The following SAMD12 variants were observed in gnomAD, a reference collection of about 807,000 sequenced individuals.
SAMD12 encodes sterile alpha motif domain containing 12.
Under a neutral mutation model 15.0 loss-of-function variants are expected in SAMD12, and 9 were observed. The ratio of observed to expected loss-of-function variants is 0.60; its 90% CI spans 0.36 to 1.05. The LOEUF is 1.05. Ranked by LOEUF, SAMD12 falls within the 50% of genes least tolerant of loss-of-function variation. The probability of loss-of-function intolerance (pLI) is 0.01; values close to 1 mark genes in which losing one functional copy is unlikely to be tolerated. For missense variants in SAMD12, 230 were observed against 234.2 expected (o/e 0.98, Z 0.12); for synonymous variants, 86 against 90.1 (o/e 0.96, Z 0.25).
At chr8:118,535,110 G>A (rs1026667864) in intron 2 of SAMD12, among the ~76,000 whole-genome samples, 8 of 151,998 alleles carry the variant, frequency 5.3e-5, no homozygotes, top group Admixed American at 2.0e-4. Context: ...TGATGATGAG[G>A]TACAGATGGG....
chr8:118,424,042 G>T (rs901319079), intron 3 of SAMD12, among the ~76,000 whole-genome samples: 2 of 151,968 alleles, frequency 1.3e-5, no homozygotes, highest in African/African-American at 4.8e-5. Flanking sequence ...TAGGAAATGG[G>T]TTGATATTTA....
At chr8:118,289,703 C>G (rs940004832) in intron 4 of SAMD12, among the ~76,000 whole-genome samples, 4 of 152,204 alleles carry the variant, frequency 2.6e-5, no homozygotes, top group African/African-American at 9.7e-5. Context: ...TTCTTGGTAA[C>G]TGTATTTTTT....
rs939259253 is a variant in SAMD12, at chr8:118,432,528, G to C, written c.322+7304C>G. Reference sequence around the variant, plus strand: ...CTGGGAACCTAAACAGGACCTAGGGGTGTGTTTCAGTCAAACTTCAACATA... The same window carrying C: ...CTGGGAACCTAAACAGGACCTAGGGCTGTGTTTCAGTCAAACTTCAACATA... On this transcript the variant is annotated intron_variant, in intron 3 of 3. Transcript: ENST00000314727. 6.2e-4 allele frequency among the ~76,000 whole-genome samples: 94 copies of C among 152,188 alleles called. 1 individual carries two copies. The highest frequency in any genetic ancestry group is 2.2e-3 in the African/African-American group (91 of 41,442).
At chr8:118,600,887 T>C (rs972445984) in intron 1 of SAMD12, among the ~76,000 whole-genome samples, 4 of 152,188 alleles carry the variant, frequency 2.6e-5, no homozygotes, top group Admixed American at 6.5e-5. Context: ...CAATGTGTTA[T>C]GTTAAAAGAG....
intron 4 of SAMD12, among the ~76,000 whole-genome samples, chr8:118,292,942 C>T (rs1586452479): frequency 6.6e-6 from 1 of 151,184 alleles, no homozygotes; most frequent in East Asian, 2.0e-4. Flanking sequence ...GGGAGATATA[C>T]CTAATGCCAG....
intron 3 of SAMD12, among the ~76,000 whole-genome samples, chr8:118,405,547 G>T (rs922751040): frequency 2.0e-5 from 3 of 152,154 alleles, no homozygotes; most frequent in African/African-American, 7.2e-5. Flanking sequence ...GGAGCCGCTG[G>T]GGTTCTAGAA....
exon 5 of SAMD12, chr8:118,189,966 A>AG (rs1819317246): frequency 6.6e-6 from 1 of 151,362 alleles, no homozygotes; most frequent in South Asian, 2.1e-4. Flanking sequence ...AAAAAAAAAA[A>AG]AAAGAAAGAA....
intron 4 of SAMD12, among the ~76,000 whole-genome samples, chr8:118,289,231 A>AT (rs1814226159): frequency 6.6e-6 from 1 of 152,196 alleles, no homozygotes; most frequent in Non-Finnish European, 1.5e-5. Flanking sequence ...CAAACTTTGG[A>AT]TTCCTGGCAA....
chr8:118,295,042 T>G (rs1369100909), intron 4 of SAMD12, among the ~76,000 whole-genome samples: 1 of 146,782 alleles, frequency 6.8e-6, no homozygotes, highest in Non-Finnish European at 1.5e-5. Context: ...AACAAACTTC[T>G]TTTTTTTTTA....
the SAMD12 span, among the ~76,000 whole-genome samples, chr8:118,183,468 C>G: frequency 2.0e-5 from 3 of 152,114 alleles, no homozygotes; most frequent in Non-Finnish European, 4.4e-5. Flanking sequence ...AGTTTAAGGA[C>G]CAGTTAGGCA....
intron 2 of SAMD12, among the ~76,000 whole-genome samples, chr8:118,445,552 C>T (rs1480114737): frequency 6.6e-6 from 1 of 152,034 alleles, no homozygotes; most frequent in Non-Finnish European, 1.5e-5. Context: ...ATACATATCC[C>T]CTTAGGTGAA....
chr8:118,257,555 C>T (rs1035207454), intron 4 of SAMD12, among the ~76,000 whole-genome samples: 9 of 152,096 alleles, frequency 5.9e-5, no homozygotes, highest in African/African-American at 9.7e-5. Flanking sequence ...AATGACCATA[C>T]GGAATCTGCA....
chr8:118,610,513 ATTCT>A (rs1438632657), intron 1 of SAMD12, among the ~76,000 whole-genome samples: 1 of 152,200 alleles, frequency 6.6e-6, no homozygotes, highest in Non-Finnish European at 1.5e-5. Flanking sequence ...CTGGAGCTAA[ATTCT>A]CTCGATGATT....
chr8:118,147,184 C>G, the SAMD12 span, among the ~76,000 whole-genome samples: 1 of 151,826 alleles, frequency 6.6e-6, no homozygotes, highest in Non-Finnish European at 1.5e-5. Flanking sequence ...ACCACCATAC[C>G]TGGCTAATTT....
At chr8:118,608,076 A>G (rs1374698736) in intron 1 of SAMD12, among the ~76,000 whole-genome samples, 1 of 152,078 alleles carries the variant, frequency 6.6e-6, no homozygotes, top group Non-Finnish European at 1.5e-5. Context: ...CTCTCTTGCT[A>G]TAACTATTTA....
chr8:118,570,574 G>A (rs1348531451), intron 2 of SAMD12, among the ~76,000 whole-genome samples: 1 of 152,042 alleles, frequency 6.6e-6, no homozygotes, highest in Non-Finnish European at 1.5e-5. Context: ...TATTCCATGG[G>A]GATATATACC....
chr8:118,409,593 G>A (rs2130809169), intron 3 of SAMD12, among the ~76,000 whole-genome samples: 1 of 152,154 alleles, frequency 6.6e-6, no homozygotes, highest in South Asian at 2.1e-4. Context: ...TAGTTGGAAG[G>A]TCAGGATGTA....
At chr8:118,558,031 A>T (rs1722162587) in intron 2 of SAMD12, among the ~76,000 whole-genome samples, 1 of 152,134 alleles carries the variant, frequency 6.6e-6, no homozygotes, top group South Asian at 2.1e-4. Context: ...TACTCATGAA[A>T]ATTTCATTTA....
chr8:118,514,898 T>A (rs933671397), intron 2 of SAMD12, among the ~76,000 whole-genome samples: 1 of 152,234 alleles, frequency 6.6e-6, no homozygotes, highest in African/African-American at 2.4e-5. Flanking sequence ...TAATTCCCAA[T>A]GTTGGAGGAA....
Sources: gnomAD v4.1 joint callset for allele counts (sites outside exome capture counted in the v4.1 genomes callset) on GRCh38, gnomAD v4.1.1 for gene constraint, MANE v1.5 for transcripts, NCBI Gene and HGNC (gene_info 2026-07-23, HGNC 2026-07-21) for gene names.